Variants in ZNF609 observed in about 807,000 individuals in gnomAD.
The protein encoded by ZNF609 is zinc finger protein 609.
ZNF609 carries 11 observed loss-of-function variants against 109.5 expected under a neutral mutation model. The ratio of observed to expected loss-of-function variants is 0.10; its 90% CI spans 0.06 to 0.17. ZNF609 has a LOEUF of 0.17. Among genes scored for constraint, ZNF609 ranks in the 10% least tolerant of loss-of-function variants. The pLI, the probability that ZNF609 is intolerant of heterozygous loss-of-function variation, is 1.00. For synonymous variants in ZNF609, 646 were observed against 662.0 expected, an observed-to-expected ratio of 0.98 and a Z score of 0.37; for missense variants, 1,559 against 1,772.4, an observed-to-expected ratio of 0.88 and a Z score of 2.16.
At chr15:64,523,858 G>A (rs983912547) in intron 2 of ZNF609, among the ~76,000 whole-genome samples, 2 of 152,008 alleles carry the variant, frequency 1.3e-5, no homozygotes, top group African/African-American at 4.8e-5. Flanking sequence ...TAAGCTCTGG[G>A]TAGAATTTCA....
At chr15:64,515,763 C>A (rs990495108) in intron 2 of ZNF609, among the ~76,000 whole-genome samples, 19 of 151,494 alleles carry the variant, frequency 1.3e-4, no homozygotes, top group Non-Finnish European at 1.6e-4. Flanking sequence ...ATGGTGAAAC[C>A]CCATTTCTAC....
At chr15:64,567,026 A>C (rs1335953160) in intron 2 of ZNF609, among the ~76,000 whole-genome samples, 1 of 152,226 alleles carries the variant, frequency 6.6e-6, no homozygotes, top group East Asian at 1.9e-4. Flanking sequence ...TCTGTAGAGT[A>C]TATGAGTTTC....
At chr15:64,646,369 G>A (rs1896333415) in intron 3 of ZNF609, among the ~76,000 whole-genome samples, 2 of 152,050 alleles carry the variant, frequency 1.3e-5, no homozygotes, top group African/African-American at 4.8e-5. Context: ...GGTGGCTTAT[G>A]TCTGTAATCC....
intron 2 of ZNF609, among the ~76,000 whole-genome samples, chr15:64,602,069 C>G (rs1367533711): frequency 2.0e-5 from 3 of 152,138 alleles, no homozygotes; most frequent in Non-Finnish European, 4.4e-5. Flanking sequence ...TGTAGAACTC[C>G]TGGCACACAG....
intron 2 of ZNF609, among the ~76,000 whole-genome samples, chr15:64,585,464 A>G (rs1480106690): frequency 2.6e-5 from 4 of 152,232 alleles, no homozygotes; most frequent in Non-Finnish European, 4.4e-5. Flanking sequence ...TCTTTAGCTA[A>G]TAACTTGAAT....
At chr15:64,481,959 A>G (rs1165519150) in intron 1 of ZNF609, among the ~76,000 whole-genome samples, 2 of 151,710 alleles carry the variant, frequency 1.3e-5, no homozygotes, top group African/African-American at 4.8e-5. Context: ...TAATTTTTAT[A>G]TTTTTAGCAG....
At chr15:64,644,800 C>A (rs1168887159) in intron 3 of ZNF609, among the ~76,000 whole-genome samples, 2 of 152,106 alleles carry the variant, frequency 1.3e-5, no homozygotes, top group Non-Finnish European at 2.9e-5. Flanking sequence ...TTATACATGT[C>A]TTTGGACCAG....
chr15:64,648,457 A>C (rs1240640647), intron 3 of ZNF609, among the ~76,000 whole-genome samples: 1 of 152,116 alleles, frequency 6.6e-6, no homozygotes, highest in Non-Finnish European at 1.5e-5. Flanking sequence ...ATGCCACCGC[A>C]CTCCAGCCTG....
At chr15:64,656,647 A>G (rs932375599) in intron 3 of ZNF609, among the ~76,000 whole-genome samples, 2 of 151,902 alleles carry the variant, frequency 1.3e-5, no homozygotes, top group East Asian at 3.8e-4. Context: ...TTGGGTTTTT[A>G]AGTAATGGGT....
At chr15:64,610,065 G>C (rs1895692573) in intron 2 of ZNF609, among the ~76,000 whole-genome samples, 1 of 151,992 alleles carries the variant, frequency 6.6e-6, no homozygotes, top group Non-Finnish European at 1.5e-5. Flanking sequence ...CCTGCAAGGT[G>C]AAGTGTCACA....
chr15:64,624,102 C>T (rs527272887), intron 3 of ZNF609, among the ~76,000 whole-genome samples: 70 of 152,162 alleles, frequency 4.6e-4, no homozygotes, highest in Non-Finnish European at 9.0e-4. Flanking sequence ...TTAAAGTTTA[C>T]CGTGCAATAG....
At chr15:64,527,893 A>C (rs1215109143) in intron 2 of ZNF609, among the ~76,000 whole-genome samples, 1 of 152,168 alleles carries the variant, frequency 6.6e-6, no homozygotes, top group East Asian at 1.9e-4. Flanking sequence ...AACCTGGACC[A>C]AACTCTACTC....
chr15:64,677,240 T>A (rs937785322), intron 5 of ZNF609, among the ~76,000 whole-genome samples: 11 of 151,930 alleles, frequency 7.2e-5, no homozygotes, highest in Non-Finnish European at 1.5e-5. Context: ...ATGTTTTAAT[T>A]TTTTGTAGAG....
chr15:64,587,654 T>C (rs896579770), intron 2 of ZNF609, among the ~76,000 whole-genome samples: 2 of 152,136 alleles, frequency 1.3e-5, no homozygotes, highest in African/African-American at 4.8e-5. Flanking sequence ...ACCCCTGGTA[T>C]AGAGTGTTGA....
chr15:64,658,206 T>A (rs116822311), intron 3 of ZNF609, among the ~76,000 whole-genome samples: 12,262 of 151,982 alleles, frequency 0.081, 759 homozygotes, highest in African/African-American at 0.17. Context: ...AATTACTATT[T>A]TTTTTTTTTG....
chr15:64,618,148 CAG>C (rs1267104619), intron 2 of ZNF609, among the ~76,000 whole-genome samples: 1 of 151,858 alleles, frequency 6.6e-6, no homozygotes, highest in Non-Finnish European at 1.5e-5. Flanking sequence ...TTTTTTGAGA[CAG>C]GGTCTTGCTC....
chr15:64,613,793 C>T (rs1049706639), intron 2 of ZNF609, among the ~76,000 whole-genome samples: 1 of 152,100 alleles, frequency 6.6e-6, no homozygotes, highest in Non-Finnish European at 1.5e-5. Context: ...CGTGATCCTC[C>T]CACCTTGGCC....
At chr15:64,536,045 T>A (rs1260395539) in intron 2 of ZNF609, among the ~76,000 whole-genome samples, 1 of 152,162 alleles carries the variant, frequency 6.6e-6, no homozygotes, top group African/African-American at 2.4e-5. Context: ...TGATGTTTTT[T>A]AAATATATAT....
At chr15:64,482,916 C>T (rs1893275828) in intron 1 of ZNF609, among the ~76,000 whole-genome samples, 1 of 152,134 alleles carries the variant, frequency 6.6e-6, no homozygotes, top group Non-Finnish European at 1.5e-5. Flanking sequence ...TCTACAGTCC[C>T]TTCGGTTCTA....
Sources: gnomAD v4.1 joint callset for allele counts (sites outside exome capture counted in the v4.1 genomes callset) on GRCh38, gnomAD v4.1.1 for gene constraint, MANE v1.5 for transcripts, NCBI Gene and HGNC (gene_info 2026-07-23, HGNC 2026-07-21) for gene names.